Variants in CRISPLD1 observed in about 807,000 individuals in gnomAD.
CRISPLD1 encodes cysteine rich secretory protein LCCL domain containing 1, also known as cysteine-rich secretory protein LCCL domain-containing 1.
A neutral mutation model predicts 77.5 loss-of-function variants in CRISPLD1; 60 were observed. The observed-to-expected ratio is 0.77, with a 90% CI of 0.63 to 0.96. The LOEUF is 0.96. CRISPLD1 is among the 40% of genes least tolerant of loss of function. The pLI is 0.00. For missense variants in CRISPLD1, 623 were observed against 615.8 expected, an observed-to-expected ratio of 1.01 and a Z score of -0.12; for synonymous variants, 195 against 200.1, an observed-to-expected ratio of 0.97 and a Z score of 0.22.
intron 2 of CRISPLD1, among the ~76,000 whole-genome samples, chr8:74,989,988 A>G (rs1812548069): frequency 6.6e-6 from 1 of 152,168 alleles, no homozygotes; most frequent in Admixed American, 6.5e-5. Context: ...CTTAAGTGAA[A>G]TCACTCAGAA....
intron 2 of CRISPLD1, among the ~76,000 whole-genome samples, chr8:75,009,546 C>T (rs951456459): frequency 6.6e-6 from 1 of 151,408 alleles, no homozygotes; most frequent in Non-Finnish European, 1.5e-5. Context: ...TATTTTTCCT[C>T]TGTTTTCTGG....
Position 75,029,407 on chromosome 8 carries a change from A to C in CRISPLD1, c.1341A>C (p.Ala447=), listed in dbSNP as rs201558253. The change falls in exon 14 of 15, where the codon GCA becomes GCC. Residue 447 remains alanine (A), a synonymous_variant. Coordinates refer to ENST00000262207, the MANE Select transcript of CRISPLD1 (RefSeq NM_031461.6). Reference sequence around the variant, plus strand: ...CTCAGCTGTCCAGTATCTGCAGAGCAGCAGTACATGCTGGAGTGGTTCGAA... The same window carrying C: ...CTCAGCTGTCCAGTATCTGCAGAGCCGCAGTACATGCTGGAGTGGTTCGAA... The part of the protein sequence containing the change: ...VYSDLSSICR[A]AVHAGVVRNH... 1 of 1,613,454 alleles carries C rather than the reference A, an allele frequency of 6.2e-7. No homozygotes were observed. Among genetic ancestry groups the C allele is most frequent in the East Asian group, 2.2e-5 (1 of 44,856 alleles).
At chr8:75,030,582 T>C (rs1813317145) in intron 14 of CRISPLD1, among the ~76,000 whole-genome samples, 1 of 152,100 alleles carries the variant, frequency 6.6e-6, no homozygotes, top group African/African-American at 2.4e-5. Flanking sequence ...TTTGAGTACC[T>C]ACTATGAATA....
chr8:75,020,892 T>C (rs954797301), intron 12 of CRISPLD1, among the ~76,000 whole-genome samples: 1 of 152,282 alleles, frequency 6.6e-6, no homozygotes, highest in Admixed American at 6.5e-5. Context: ...TACTATAAAA[T>C]AATGAAAAAA....
intron 2 of CRISPLD1, among the ~76,000 whole-genome samples, chr8:74,988,387 C>A (rs1252896848): frequency 6.6e-6 from 1 of 152,128 alleles, no homozygotes; most frequent in East Asian, 1.9e-4. Flanking sequence ...ATGTGTCTGT[C>A]ATTTCATGTT....
rs751471331 is a variant in CRISPLD1 at position 75,016,657 on chromosome 8, A to G, written c.820A>G (p.Arg274Gly). The change falls in exon 7 of 15, where the codon AGA becomes GGA. Residue 274 changes from arginine (R) to glycine (G), a missense_variant. Transcript: ENST00000262207. ...AGTCCATGACACCCATGTCCGGACA[A>G]GATCAGATGATAGTAGCAGAAATGA... ...SQVHDTHVRT[R>G]SDDSSRNEVI... 1 of 1,613,506 alleles carries G rather than the reference A, an allele frequency of 6.2e-7. No homozygotes were observed. The highest frequency in any genetic ancestry group is 8.5e-7 in the Non-Finnish European group (1 of 1,179,570).
chr8:75,027,356 C>T (rs1314584207), intron 13 of CRISPLD1, among the ~76,000 whole-genome samples: 1 of 152,220 alleles, frequency 6.6e-6, no homozygotes, highest in African/African-American at 2.4e-5. Flanking sequence ...TAGGAATATG[C>T]ATATCTGAAC....
intron 2 of CRISPLD1, among the ~76,000 whole-genome samples, chr8:75,010,113 C>T (rs886070670): frequency 5.3e-5 from 8 of 151,846 alleles, no homozygotes; most frequent in African/African-American, 1.7e-4. Flanking sequence ...TATTTTTAGT[C>T]GCATATACAC....
chr8:75,024,326 GTTGTT>G (rs913615548), intron 12 of CRISPLD1, among the ~76,000 whole-genome samples: 1 of 151,572 alleles, frequency 6.6e-6, no homozygotes, highest in Non-Finnish European at 1.5e-5. Flanking sequence ...ATTTGTTGTT[GTTGTT>G]TTGTTTTGTT....
At chr8:74,992,243 A>C (rs1408138687) in intron 2 of CRISPLD1, among the ~76,000 whole-genome samples, 4 of 152,226 alleles carry the variant, frequency 2.6e-5, no homozygotes, top group African/African-American at 9.6e-5. Context: ...AGAGATATCG[A>C]TGTGGGAAAT....
At position 74,984,881 on chromosome 8, in the gene CRISPLD1, G is replaced by C. The variant is rs1476144937; in HGVS notation, c.-102G>C. On this transcript the variant is annotated 5_prime_UTR_variant, in exon 1 of 15. Transcript: ENST00000262207. ...GGGCGGCTGCAGAGGCCGGCCGTCC[G>C]GTTTGGCTCACCTCTCCCAGGAAAC... 2.6e-5 allele frequency: 4 copies of C among 152,232 alleles called. No homozygotes were observed. The highest frequency in any genetic ancestry group is 9.7e-5 in the African/African-American group (4 of 41,428). 9.4% of individuals were successfully genotyped at this position (152,232 alleles called of 1,614,324 possible).
chr8:75,014,788 A>C (rs778665292), intron 5 of CRISPLD1, 24 bp from the exon 6 acceptor site: 1 of 1,517,832 alleles, frequency 6.6e-7, no homozygotes, highest in African/African-American at 1.4e-5. Context: ...ACTACTTTTT[A>C]ATAGAGCGTA....
chr8:75,031,274 AAC>A (rs1283903908), intron 14 of CRISPLD1, among the ~76,000 whole-genome samples: 1 of 151,964 alleles, frequency 6.6e-6, no homozygotes, highest in East Asian at 1.9e-4. Flanking sequence ...AAATATATAA[AAC>A]ATAGTTCACT....
At chr8:75,010,669 T>C (rs1289676256) in intron 2 of CRISPLD1, among the ~76,000 whole-genome samples, 3 of 152,096 alleles carry the variant, frequency 2.0e-5, no homozygotes, top group Admixed American at 6.6e-5. Context: ...TCTCTCTCAT[T>C]GCTTTATAAT....
intron 6 of CRISPLD1, among the ~76,000 whole-genome samples, chr8:75,016,195 A>G (rs1452367483): frequency 6.6e-6 from 1 of 152,192 alleles, no homozygotes; most frequent in Admixed American, 6.5e-5. Flanking sequence ...TATTAAGAAT[A>G]TGATTTTAAT....
At chr8:75,017,222 T>G in intron 9 of CRISPLD1, 98 bp from the exon 10 acceptor site, 1 of 1,541,952 alleles carries the variant, frequency 6.5e-7, no homozygotes, top group Non-Finnish European at 8.9e-7. Context: ...TGCTCAGAAA[T>G]GTTTATTTAA....
At chr8:75,010,467 A>G (rs996137408) in intron 2 of CRISPLD1, among the ~76,000 whole-genome samples, 2 of 152,018 alleles carry the variant, frequency 1.3e-5, no homozygotes, top group Admixed American at 6.6e-5. Context: ...TTCCTCTCTA[A>G]AGTATTGAGA....
intron 14 of CRISPLD1, among the ~76,000 whole-genome samples, chr8:75,031,203 C>T (rs544110569): frequency 1.4e-4 from 22 of 152,058 alleles, no homozygotes; most frequent in African/African-American, 2.7e-4. Flanking sequence ...GTTGTGTGTG[C>T]GCACTTGTGA....
intron 13 of CRISPLD1, among the ~76,000 whole-genome samples, chr8:75,027,148 A>C (rs1433430613): frequency 1.3e-5 from 2 of 151,894 alleles, no homozygotes; most frequent in Non-Finnish European, 2.9e-5. Flanking sequence ...TATCTCTTTT[A>C]TTAGTTTGTA....
Sources: allele counts gnomAD v4.1 joint callset (sites outside exome capture counted in the v4.1 genomes callset), GRCh38; gene constraint gnomAD v4.1.1; transcripts MANE v1.5; gene names NCBI Gene and HGNC (gene_info 2026-07-23, HGNC 2026-07-21).